Variants in NIPSNAP3B observed in about 807,000 individuals in gnomAD.
The protein encoded by NIPSNAP3B is nipsnap homolog 3B.
NIPSNAP3B carries 30 observed loss-of-function variants against 31.5 expected under a neutral mutation model. That is an observed-to-expected ratio of 0.95 (90% confidence interval 0.71 to 1.29). The LOEUF (loss-of-function observed/expected upper bound fraction) is 1.29, where lower values mean the gene tolerates loss of function less well. Among genes scored for constraint, NIPSNAP3B ranks in the 50% most tolerant of loss-of-function variants. The probability of loss-of-function intolerance (pLI) is 0.00; values close to 1 mark genes in which losing one functional copy is unlikely to be tolerated. For synonymous variants in NIPSNAP3B, 106 were observed against 107.9 expected (o/e 0.98, Z 0.11); for missense variants, 269 against 300.7 (o/e 0.89, Z 0.78).
At chr9:104,784,506 T>C in the NIPSNAP3B span, 1 of 1,609,588 alleles carries the variant, frequency 6.2e-7, no homozygotes, top group South Asian at 1.1e-5. Context: ...ACTTGCTCAT[T>C]CTTTATTCTA....
At chr9:104,786,408 G>A in the NIPSNAP3B span, 1 of 1,607,766 alleles carries the variant, frequency 6.2e-7, no homozygotes, top group African/African-American at 1.3e-5. Context: ...AAAACAGAAA[G>A]AGGTTTTAGT....
chr9:104,788,059 A>G, the NIPSNAP3B span: 1 of 1,614,128 alleles, frequency 6.2e-7, no homozygotes, highest in East Asian at 2.2e-5. Context: ...ACCAACCTAC[A>G]GTGATAAAAA....
chr9:104,764,258 C>A lies in NIPSNAP3B; in HGVS notation c.18C>A (p.Ser6Arg). 6.2e-7 allele frequency: 1 copy of A among 1,600,838 alleles called. No individual in the cohort carries two copies. The highest frequency in any genetic ancestry group is 8.5e-7 in the Non-Finnish European group (1 of 1,175,536). MLVLR[S>R]GLTKALASRT... is the part of the protein sequence containing the mutation. The stretch of plus-strand genomic sequence containing the variant: ...GCCGCGCCATGCTCGTTCTCAGAAG[C>A]GGCCTGACCAAGGCGCTTGCCTCAC... The change falls in exon 1 of 6, where the codon AGC becomes AGA. Residue 6 changes from serine (S) to arginine (R), a missense_variant. By Grantham distance (110) the Ser-to-Arg change is moderately radical (BLOSUM62 -1). Coordinates refer to ENST00000374762, the MANE Select transcript of NIPSNAP3B (RefSeq NM_018376.4).
chr9:104,788,000 C>T, the NIPSNAP3B span: 1 of 1,614,234 alleles, frequency 6.2e-7, no homozygotes. Context: ...TAGTTACCAG[C>T]ATATTTTTCT....
chr9:104,781,091 G>C (rs1449905809), downstream of NIPSNAP3B: 1 of 152,542 alleles, frequency 6.6e-6, no homozygotes, highest in Non-Finnish European at 1.5e-5. Context: ...TTCATATAAA[G>C]TTATTGACAT....
chr9:104,780,974 G>A (rs186226315), downstream of NIPSNAP3B: 1 of 152,674 alleles, frequency 6.5e-6, no homozygotes, highest in Admixed American at 6.5e-5. Flanking sequence ...TTCAACAGTA[G>A]GTGGTGCCAC....
At chr9:104,781,192 T>C (rs1317388865), downstream of NIPSNAP3B, 1 of 152,644 alleles carries the variant, frequency 6.6e-6, no homozygotes, top group African/African-American at 2.4e-5. Flanking sequence ...AATTCTCAGA[T>C]ATTCCAGTGC....
intron 3 of NIPSNAP3B, among the ~76,000 whole-genome samples, chr9:104,769,835 G>C (rs890365050): frequency 2.6e-5 from 4 of 152,142 alleles, no homozygotes; most frequent in Non-Finnish European, 5.9e-5. Context: ...CATTATTGTA[G>C]TTTAACTTTT....
At chr9:104,785,923 C>T in the NIPSNAP3B span, among the ~76,000 whole-genome samples, 4 of 152,208 alleles carry the variant, frequency 2.6e-5, no homozygotes, top group African/African-American at 7.2e-5. Context: ...AGTCACTTGC[C>T]CATGGCTCAG....
chr9:104,764,365 T>A lies in NIPSNAP3B; in HGVS notation c.60+65T>A. Reference sequence around the variant, plus strand: ...GGAGGGGAGGGGCGGGGGGTATTTCTGAAGCGTGCGAGCCACGCTCAGGCG... The same window carrying A: ...GGAGGGGAGGGGCGGGGGGTATTTCAGAAGCGTGCGAGCCACGCTCAGGCG... On this transcript the variant is annotated intron_variant, in intron 1 of 5. Transcript: ENST00000374762. The A allele has an allele frequency of 2.2e-6, 3 of 1,375,530 alleles. No homozygotes were observed. In the South Asian group the frequency reaches 4.0e-5, roughly 18 times the overall value. The allele number at this position is 1,375,530 out of a possible 1,614,324, so 85.2% of individuals were successfully genotyped here.
intron 4 of NIPSNAP3B, chr9:104,771,343 T>A (rs1338426905): frequency 6.2e-6 from 1 of 162,042 alleles, no homozygotes; most frequent in African/African-American, 2.4e-5. Flanking sequence ...CCAATTGTTA[T>A]CTTTTCTAAT....
chr9:104,766,465 T>G lies in NIPSNAP3B; in HGVS notation c.201T>G (p.Ser67=), dbSNP rs576126992. ...KKNIHLRTSY[S]ELVGFWSVEF... ...ACATTCATCTTCGGACCTCTTACTC[T>G]GAATTGGTTGGATTCTGGAGTGTAG... Residue 67 remains serine (S), a synonymous_variant, in exon 2 of 6, where the codon TCT becomes TCG. Coordinates refer to ENST00000374762, the MANE Select transcript of NIPSNAP3B (RefSeq NM_018376.4). 106 of 1,613,824 alleles carry G rather than the reference T, an allele frequency of 6.6e-5. 2 individuals carry two copies. The South Asian group carries it at 1.1e-3, about 17-fold the overall frequency.
At chr9:104,781,291 T>C (rs1289971360), downstream of NIPSNAP3B, 1 of 152,470 alleles carries the variant, frequency 6.6e-6, no homozygotes, top group African/African-American at 2.4e-5. Flanking sequence ...CATCTTAGGG[T>C]ATAAGAAGGG....
chr9:104,787,569 T>C, the NIPSNAP3B span, among the ~76,000 whole-genome samples: 2 of 152,220 alleles, frequency 1.3e-5, no homozygotes, highest in African/African-American at 4.8e-5. Flanking sequence ...TATGACCTAG[T>C]TGCTACCTTG....
At chr9:104,778,333 C>T (rs1828381100), downstream of NIPSNAP3B, among the ~76,000 whole-genome samples, 1 of 152,062 alleles carries the variant, frequency 6.6e-6, no homozygotes, top group Admixed American at 6.6e-5. Flanking sequence ...CAGGTGCAAG[C>T]GATTCTCTTG....
the NIPSNAP3B span, chr9:104,785,604 G>A: frequency 6.2e-7 from 1 of 1,614,114 alleles, no homozygotes; most frequent in African/African-American, 1.3e-5. Context: ...GTTGGACCCT[G>A]CTATTCGTAC....
At chr9:104,768,812 A>G (rs1425747902) in intron 2 of NIPSNAP3B, 51 bp from the exon 3 acceptor site, 1 of 1,522,922 alleles carries the variant, frequency 6.6e-7, no homozygotes, top group Non-Finnish European at 8.9e-7. Context: ...AAGTAAAAAT[A>G]TGGGCGATTT....
chr9:104,776,755 G>A lies in NIPSNAP3B; in HGVS notation c.*3682G>A, dbSNP rs954348181. Among the ~76,000 whole-genome samples the A allele has an allele frequency of 2.0e-5, 3 of 152,108 alleles. No homozygotes were observed. Among genetic ancestry groups the A allele is most frequent in the African/African-American group, 7.2e-5 (3 of 41,402 alleles). Reference sequence around the variant, plus strand: ...ACTTATATATGATTTGTTAATGTATGTCTCTTCCCACTAGAAACCGAATTC... The same window carrying A: ...ACTTATATATGATTTGTTAATGTATATCTCTTCCCACTAGAAACCGAATTC... On this transcript the variant is annotated 3_prime_UTR_variant, in exon 6 of 6. Transcript: ENST00000374762.
chr9:104,784,071 A>C, the NIPSNAP3B span: 2 of 510,922 alleles, frequency 3.9e-6, no homozygotes, highest in Non-Finnish European at 7.0e-6. Context: ...AGGTATAGGT[A>C]AAAAACTAAA....
Sources: gnomAD v4.1 joint callset for allele counts (sites outside exome capture counted in the v4.1 genomes callset) on GRCh38, gnomAD v4.1.1 for gene constraint, MANE v1.5 for transcripts, NCBI Gene and HGNC (gene_info 2026-07-23, HGNC 2026-07-21) for gene names.